The following CCDC7 variants were observed in gnomAD, a reference collection of about 807,000 sequenced individuals.
CCDC7 encodes coiled-coil domain containing 7.
Under a neutral mutation model 196.9 loss-of-function variants are expected in CCDC7, and 183 were observed. The ratio of observed to expected loss-of-function variants is 0.93; its 90% CI spans 0.82 to 1.05. The LOEUF (loss-of-function observed/expected upper bound fraction) is 1.05, where lower values mean the gene tolerates loss of function less well. Among genes scored for constraint, CCDC7 ranks in the 50% least tolerant of loss-of-function variants. The pLI is 0.00. For synonymous variants in CCDC7, 525 were observed against 484.6 expected, an observed-to-expected ratio of 1.08 and a Z score of -1.10; for missense variants, 1,540 against 1,482.2, an observed-to-expected ratio of 1.04 and a Z score of -0.64.
At chr10:32,837,677 A>G (rs907236013) in intron 33 of CCDC7, among the ~76,000 whole-genome samples, 1 of 152,128 alleles carries the variant, frequency 6.6e-6, no homozygotes, top group African/African-American at 2.4e-5. Flanking sequence ...AACCATCCCA[A>G]ATGTCCAACA....
intron 29 of CCDC7, among the ~76,000 whole-genome samples, chr10:32,785,362 A>AT (rs1302687885): frequency 6.6e-6 from 1 of 152,230 alleles, no homozygotes; most frequent in East Asian, 1.9e-4. Context: ...TTAAAATCCT[A>AT]TTTATAAGCT....
At chr10:32,821,819 G>C (rs977799464) in intron 31 of CCDC7, among the ~76,000 whole-genome samples, 60 of 152,042 alleles carry the variant, frequency 3.9e-4, no homozygotes, top group African/African-American at 1.4e-3. Flanking sequence ...TGTGGGGTGG[G>C]GGTAGGGGGA....
chr10:32,788,832 C>T (rs2082252445), intron 29 of CCDC7, among the ~76,000 whole-genome samples: 1 of 152,054 alleles, frequency 6.6e-6, no homozygotes, highest in African/African-American at 2.4e-5. Flanking sequence ...CCTGTGGGCC[C>T]AGTCAATTGG....
chr10:32,670,429 T>C (rs1228026516), intron 21 of CCDC7, among the ~76,000 whole-genome samples: 1 of 151,932 alleles, frequency 6.6e-6, no homozygotes, highest in Non-Finnish European at 1.5e-5. Context: ...TTAGGGTACA[T>C]GTGCACAATG....
intron 28 of CCDC7, among the ~76,000 whole-genome samples, chr10:32,772,397 C>T (rs1235857264): frequency 6.6e-6 from 1 of 152,218 alleles, no homozygotes; most frequent in African/African-American, 2.4e-5. Flanking sequence ...GAGTCATAAA[C>T]TTTCCCCAGG....
At position 32,793,780 on chromosome 10, in the gene CCDC7, T is replaced by C. The variant is rs114353901; in HGVS notation, c.3014-11235T>C. Among the ~76,000 whole-genome samples, 1,158 of 152,354 alleles carry C rather than the reference T, an allele frequency of 7.6e-3. 23 individuals carry two copies. The highest frequency in any genetic ancestry group is 0.026 in the African/African-American group (1,070 of 41,582). On this transcript the variant is annotated intron_variant, in intron 29 of 41. Transcript: ENST00000639629. ...ATTACATTGTGCTTCAAAAAATGCT[T>C]GGTAGAATTTCTTTATTTTTGAATT...
chr10:32,754,975 G>T (rs1000321354), intron 28 of CCDC7, among the ~76,000 whole-genome samples: 4 of 152,128 alleles, frequency 2.6e-5, no homozygotes, highest in Admixed American at 6.6e-5. Flanking sequence ...ATTATATCCC[G>T]CGCTGGCTTG....
intron 16 of CCDC7, among the ~76,000 whole-genome samples, chr10:32,577,956 A>G (rs969597110): frequency 6.6e-6 from 1 of 152,142 alleles, no homozygotes; most frequent in Non-Finnish European, 1.5e-5. Context: ...GAAGAAAATC[A>G]TTTCATCCAA....
intron 18 of CCDC7, among the ~76,000 whole-genome samples, chr10:32,619,753 A>G (rs1344258764): frequency 2.6e-5 from 4 of 151,286 alleles, no homozygotes; most frequent in African/African-American, 7.3e-5. Flanking sequence ...CCACCATGCC[A>G]GTCTATTTTT....
intron 29 of CCDC7, among the ~76,000 whole-genome samples, chr10:32,784,727 C>A (rs1487847324): frequency 6.6e-6 from 1 of 151,846 alleles, no homozygotes; most frequent in Non-Finnish European, 1.5e-5. Context: ...ACGTGCTGGG[C>A]GCCGTGACTC....
At chr10:32,445,276 A>T (rs1467199216), upstream of CCDC7, among the ~76,000 whole-genome samples, 1 of 152,106 alleles carries the variant, frequency 6.6e-6, no homozygotes, top group Non-Finnish European at 1.5e-5. Flanking sequence ...GGTGTGATGG[A>T]GCTAGCCTAC....
intron 13 of CCDC7, among the ~76,000 whole-genome samples, chr10:32,547,053 CTG>C (rs2052592708): frequency 1.3e-5 from 2 of 152,054 alleles, no homozygotes; most frequent in South Asian, 4.2e-4. Flanking sequence ...GGGTCTCACT[CTG>C]TCACCTAGGT....
chr10:32,467,045 A>G (rs1442084972), intron 5 of CCDC7, among the ~76,000 whole-genome samples: 1 of 150,762 alleles, frequency 6.6e-6, no homozygotes, highest in Non-Finnish European at 1.5e-5. Flanking sequence ...GCTTTTTTTC[A>G]TATGATTGTT....
At chr10:32,753,466 C>G (rs1252369267) in intron 28 of CCDC7, among the ~76,000 whole-genome samples, 1 of 152,036 alleles carries the variant, frequency 6.6e-6, no homozygotes, top group Non-Finnish European at 1.5e-5. Context: ...TACTGAAATA[C>G]TACTACTATT....
At chr10:32,539,259 T>C (rs2051008990) in intron 11 of CCDC7, among the ~76,000 whole-genome samples, 2 of 152,128 alleles carry the variant, frequency 1.3e-5, no homozygotes, top group East Asian at 3.9e-4. Flanking sequence ...TCCAGGAATT[T>C]ATCCATTTCT....
intron 9 of CCDC7, among the ~76,000 whole-genome samples, chr10:32,506,105 A>AT (rs1445599611): frequency 8.0e-5 from 6 of 74,696 alleles, no homozygotes; most frequent in East Asian, 4.4e-4. Context: ...CTTCCCAGAC[A>AT]GGGCGGCCAG....
Position 32,539,793 on chromosome 10 carries a change from T to TACAATTA in CCDC7, c.994-3507_994-3506insACAATTA, listed in dbSNP as rs2051109274. Among the ~76,000 whole-genome samples the TACAATTA allele has an allele frequency of 5.9e-5, 9 of 152,184 alleles. No individual in the cohort carries two copies. The South Asian group carries it at 1.7e-3, about 28-fold the overall frequency. On this transcript the variant is annotated intron_variant, in intron 11 of 41. Coordinates refer to ENST00000639629, the Ensembl canonical transcript of CCDC7. The stretch of plus-strand genomic sequence containing the variant: ...TACCCAAATGTCATTCAGGAGGAGG[T>TACAATTA]TGTTTAATTTCCGCATAATTGTATG...
At chr10:32,589,136 G>A (rs1338519369) in intron 18 of CCDC7, among the ~76,000 whole-genome samples, 2 of 151,132 alleles carry the variant, frequency 1.3e-5, no homozygotes, top group African/African-American at 4.9e-5. Context: ...ACTCATCCTC[G>A]TTTCCCCCAC....
chr10:32,681,340 T>C (rs1252370598), intron 21 of CCDC7, among the ~76,000 whole-genome samples: 1 of 152,102 alleles, frequency 6.6e-6, no homozygotes, highest in African/African-American at 2.4e-5. Flanking sequence ...AAAAGTTTCT[T>C]TAAGGATTTC....
Sources: gnomAD v4.1 joint callset for allele counts (sites outside exome capture counted in the v4.1 genomes callset) on GRCh38, gnomAD v4.1.1 for gene constraint, MANE v1.5 for transcripts, NCBI Gene and HGNC (gene_info 2026-07-23, HGNC 2026-07-21) for gene names.